The following SGCZ variants were observed in gnomAD, a reference collection of about 807,000 sequenced individuals.
SGCZ encodes the protein zeta-sarcoglycan.
A neutral mutation model predicts 41.3 loss-of-function variants in SGCZ; 40 were observed. That is an observed-to-expected ratio of 0.97 (90% CI 0.75 to 1.26). SGCZ has a LOEUF of 1.26. Among genes scored for constraint, SGCZ ranks in the 50% most tolerant of loss-of-function variants. The pLI, the probability that SGCZ is intolerant of heterozygous loss-of-function variation, is 0.00. For synonymous variants in SGCZ, 206 were observed against 137.5 expected (o/e 1.50, Z -3.49); for missense variants, 552 against 369.8 (o/e 1.49, Z -4.04).
intron 1 of SGCZ, among the ~76,000 whole-genome samples, chr8:15,208,472 A>T (rs1320918802): frequency 6.6e-6 from 1 of 152,184 alleles, no homozygotes; most frequent in African/African-American, 2.4e-5. Context: ...TCAGAAACTC[A>T]AAATGTATTT....
chr8:14,187,106 G>C (rs1804931971), intron 4 of SGCZ, among the ~76,000 whole-genome samples: 1 of 152,166 alleles, frequency 6.6e-6, no homozygotes. Context: ...ACATGCCTAA[G>C]ACTGTACCCT....
At chr8:14,502,666 G>T (rs1241558151) in intron 2 of SGCZ, among the ~76,000 whole-genome samples, 1 of 152,106 alleles carries the variant, frequency 6.6e-6, no homozygotes, top group Non-Finnish European at 1.5e-5. Context: ...CTTCTCAAAA[G>T]AAGACATTTA....
At chr8:14,120,521 A>C (rs1208755219) in intron 5 of SGCZ, among the ~76,000 whole-genome samples, 1 of 152,156 alleles carries the variant, frequency 6.6e-6, no homozygotes. Flanking sequence ...CACCACTTTA[A>C]TTCAACTCTA....
chr8:15,096,886 C>T (rs1337828582), intron 1 of SGCZ, among the ~76,000 whole-genome samples: 3 of 152,060 alleles, frequency 2.0e-5, no homozygotes, highest in South Asian at 2.1e-4. Flanking sequence ...GGGGTTTCAC[C>T]GTGTTAGCCA....
chr8:14,857,668 A>G (rs989948568), intron 1 of SGCZ, among the ~76,000 whole-genome samples: 2 of 152,160 alleles, frequency 1.3e-5, no homozygotes, highest in African/African-American at 4.8e-5. Flanking sequence ...GTTTGAGACC[A>G]GCCTGGCCAA....
At chr8:15,104,986 T>G (rs1249164206) in intron 1 of SGCZ, among the ~76,000 whole-genome samples, 1 of 152,198 alleles carries the variant, frequency 6.6e-6, no homozygotes, top group Non-Finnish European at 1.5e-5. Flanking sequence ...TTTGTATAAC[T>G]CTTTCCTTTA....
intron 4 of SGCZ, among the ~76,000 whole-genome samples, chr8:14,179,652 C>T (rs113379321): frequency 5.0e-4 from 76 of 152,170 alleles, no homozygotes; most frequent in African/African-American, 1.7e-3. Flanking sequence ...GAAGGTAATC[C>T]CCAAAAGATA....
intron 1 of SGCZ, among the ~76,000 whole-genome samples, chr8:15,155,441 A>C (rs1799300960): frequency 6.6e-6 from 1 of 152,238 alleles, no homozygotes; most frequent in South Asian, 2.1e-4. Flanking sequence ...AAATAATGCA[A>C]AACAATACTC....
intron 1 of SGCZ, among the ~76,000 whole-genome samples, chr8:15,234,852 A>G (rs1227071797): frequency 6.6e-6 from 1 of 152,204 alleles, no homozygotes; most frequent in Non-Finnish European, 1.5e-5. Flanking sequence ...TTAAAACCTG[A>G]GGTAAGCAGC....
intron 1 of SGCZ, among the ~76,000 whole-genome samples, chr8:15,231,294 T>C (rs1024797718): frequency 1.3e-5 from 2 of 152,206 alleles, no homozygotes; most frequent in African/African-American, 4.8e-5. Context: ...GATAACCTAT[T>C]TAATACCAGC....
intron 2 of SGCZ, among the ~76,000 whole-genome samples, chr8:14,503,835 A>T (rs1802227093): frequency 6.6e-6 from 1 of 152,200 alleles, no homozygotes; most frequent in Admixed American, 6.5e-5. Context: ...ATTTAAAAAT[A>T]CATTATTTCA....
chr8:14,432,335 A>T (rs1173759131), intron 2 of SGCZ, among the ~76,000 whole-genome samples: 1 of 152,208 alleles, frequency 6.6e-6, no homozygotes, highest in Non-Finnish European at 1.5e-5. Flanking sequence ...ATATGATGGA[A>T]TACTACTTAG....
chr8:14,615,225 A>G (rs888741914), intron 1 of SGCZ, among the ~76,000 whole-genome samples: 1 of 152,228 alleles, frequency 6.6e-6, no homozygotes, highest in Admixed American at 6.5e-5. Flanking sequence ...GAATTCCTAC[A>G]TAACAAACTG....
chr8:14,868,592 ATTTGTTTTACATGTACCAGT>A (rs1268257851), intron 1 of SGCZ, among the ~76,000 whole-genome samples: 2 of 152,152 alleles, frequency 1.3e-5, no homozygotes. Flanking sequence ...TCAATCTGAA[ATTTGTTTTACATGTACCAGT>A]TTAAGCCATT....
intron 1 of SGCZ, among the ~76,000 whole-genome samples, chr8:14,707,875 T>C (rs1433190040): frequency 1.3e-5 from 2 of 152,246 alleles, no homozygotes; most frequent in African/African-American, 4.8e-5. Flanking sequence ...ATTTAAAATA[T>C]ATTAACAATA....
intron 1 of SGCZ, among the ~76,000 whole-genome samples, chr8:15,135,562 G>C (rs1437581166): frequency 6.6e-6 from 1 of 152,200 alleles, no homozygotes; most frequent in Non-Finnish European, 1.5e-5. Context: ...GCTGCATTTT[G>C]AGCAAGAACG....
chr8:14,701,899 T>A (rs576555658), intron 1 of SGCZ, among the ~76,000 whole-genome samples: 136 of 152,060 alleles, frequency 8.9e-4, no homozygotes, highest in African/African-American at 3.1e-3. Context: ...GTGGAAATAG[T>A]ATCCCATGTT....
In SGCZ at chr8:14,954,209, G is replaced by A. The variant is rs189693189; in HGVS notation, c.39+283376C>T. Among the ~76,000 whole-genome samples the A allele has an allele frequency of 2.2e-4, 33 of 152,096 alleles. No homozygotes were observed. The East Asian group carries it at 5.8e-3, about 27-fold the overall frequency. ...AAGATTCCTTAATTTATTTATATAC[G>A]CTTTCTTTGATCTTCCACTATTTGC... On this transcript the variant is annotated intron_variant, in intron 1 of 7. Coordinates refer to ENST00000382080, the MANE Select transcript of SGCZ (RefSeq NM_139167.4).
At chr8:15,068,117 C>T (rs978302486) in intron 1 of SGCZ, among the ~76,000 whole-genome samples, 3 of 152,158 alleles carry the variant, frequency 2.0e-5, no homozygotes, top group African/African-American at 7.2e-5. Flanking sequence ...ATCAAATCTT[C>T]ATGAACTTTG....
Sources: allele counts gnomAD v4.1 joint callset (sites outside exome capture counted in the v4.1 genomes callset), GRCh38; gene constraint gnomAD v4.1.1; transcripts MANE v1.5; gene names NCBI Gene and HGNC (gene_info 2026-07-23, HGNC 2026-07-21).